The following CARD8 variants were observed in gnomAD, a reference collection of about 807,000 sequenced individuals.
CARD8 encodes the protein caspase recruitment domain family member 8.
Under a neutral mutation model 53.2 loss-of-function variants are expected in CARD8, and 38 were observed. The observed-to-expected ratio is 0.71, with a 90% CI of 0.55 to 0.94. The LOEUF (loss-of-function observed/expected upper bound fraction) is 0.94. CARD8 is among the 40% of genes least tolerant of loss of function. The pLI, the probability that CARD8 is intolerant of heterozygous loss-of-function variation, is 0.00. For missense variants in CARD8, 561 were observed against 655.5 expected, an observed-to-expected ratio of 0.86 and a Z score of 1.57; for synonymous variants, 245 against 244.9, an observed-to-expected ratio of 1.00 and a Z score of 0.00.
intron 8 of CARD8, among the ~76,000 whole-genome samples, chr19:48,231,260 T>C (rs2146225333): frequency 6.6e-6 from 1 of 152,156 alleles, no homozygotes; most frequent in East Asian, 1.9e-4. Flanking sequence ...ATTTTAGCTA[T>C]CATAAGGGAT....
intron 13 of CARD8, chr19:48,215,042 G>A (rs552906050): frequency 6.1e-5 from 13 of 212,996 alleles, no homozygotes; most frequent in South Asian, 4.3e-4. Flanking sequence ...CACCTGCCTC[G>A]GCCTCCCAGA....
At chr19:48,246,292 T>C (rs1051783622) in intron 3 of CARD8, among the ~76,000 whole-genome samples, 1 of 152,246 alleles carries the variant, frequency 6.6e-6, no homozygotes, top group Non-Finnish European at 1.5e-5. Context: ...TATTTCTTCA[T>C]GTTCTGGAGT....
chr19:48,243,476 T>A (rs1358460304), intron 3 of CARD8, among the ~76,000 whole-genome samples: 1 of 152,240 alleles, frequency 6.6e-6, no homozygotes, highest in African/African-American at 2.4e-5. Flanking sequence ...ATAAAAATAT[T>A]AAAATCTGCA....
chr19:48,221,687 A>G (rs752681583), intron 11 of CARD8, 43 bp downstream of exon 11: 7 of 1,428,368 alleles, frequency 4.9e-6, no homozygotes, highest in Middle Eastern at 3.7e-4. Context: ...CAGAAATATA[A>G]AACACTCTGA....
chr19:48,243,292 C>G (rs1184573645), intron 3 of CARD8, among the ~76,000 whole-genome samples: 1 of 152,134 alleles, frequency 6.6e-6, no homozygotes. Flanking sequence ...GGATTACAGA[C>G]GTGAGCCATT....
At chr19:48,251,104 T>A (rs2046881663) in intron 1 of CARD8, among the ~76,000 whole-genome samples, 1 of 152,240 alleles carries the variant, frequency 6.6e-6, no homozygotes, top group African/African-American at 2.4e-5. Context: ...CAGAGGAATT[T>A]ATTCAGGTAT....
Position 48,211,877 on chromosome 19 carries a change from CAGTAAG to C in CARD8, c.1441_1446del (p.Leu481_Thr482del). Reference sequence around the variant, plus strand: ...TGCTCCACCAGCTCCTTCTCATTCTCAGTAAGAACCTCATTGTCTTGGAGATCATCG... The same window carrying C: ...TGCTCCACCAGCTCCTTCTCATTCTCAACCTCATTGTCTTGGAGATCATCG... On this transcript the variant is annotated inframe_deletion, in exon 14 of 14. Coordinates refer to ENST00000651546, the MANE Select transcript of CARD8 (RefSeq NM_001184900.3). 1 of 1,614,110 alleles carries C rather than the reference CAGTAAG, an allele frequency of 6.2e-7. No individual in the cohort carries two copies. Among genetic ancestry groups the C allele is most frequent in the Non-Finnish European group, 8.5e-7 (1 of 1,180,004 alleles).
At chr19:48,222,017 T>C (rs1184979670) in intron 10 of CARD8, among the ~76,000 whole-genome samples, 162 bp from the exon 11 acceptor site, 1 of 152,222 alleles carries the variant, frequency 6.6e-6, no homozygotes, top group Non-Finnish European at 1.5e-5. Flanking sequence ...GATAGGTAGA[T>C]ACACAGATAT....
At chr19:48,246,022 G>C (rs1402350854) in intron 3 of CARD8, among the ~76,000 whole-genome samples, 1 of 152,056 alleles carries the variant, frequency 6.6e-6, no homozygotes, top group Non-Finnish European at 1.5e-5. Flanking sequence ...ACATTTGTCT[G>C]AATGTCCTCT....
intron 11 of CARD8, among the ~76,000 whole-genome samples, chr19:48,221,075 T>C (rs1464117485): frequency 1.3e-5 from 2 of 151,768 alleles, no homozygotes; most frequent in Non-Finnish European, 2.9e-5. Flanking sequence ...GGAAATCTAT[T>C]TGGAAATATA....
Position 48,234,473 on chromosome 19 carries a change from C to T in CARD8, c.280G>A (p.Glu94Lys). The T allele has an allele frequency of 6.2e-7, 1 of 1,613,936 alleles. No individual in the cohort carries two copies. Among genetic ancestry groups the T allele is most frequent in the Non-Finnish European group, 8.5e-7 (1 of 1,179,874 alleles). Residue 94 changes from glutamate to lysine, a missense_variant, in exon 6 of 14, where the codon GAG becomes AAG. Transcript: ENST00000651546. ...DISHFFQEDDETEAEPLLFRA... is the reference protein window; with the variant it reads ...DISHFFQEDDKTEAEPLLFRA... Reference sequence around the variant, plus strand: ...AACAATAATGGCTCTGCCTCTGTCTCATCATCTTCTTGGAAAAAATGTGAG... The same window carrying T: ...AACAATAATGGCTCTGCCTCTGTCTTATCATCTTCTTGGAAAAAATGTGAG...
At chr19:48,227,334 T>G (rs1600316466) in intron 10 of CARD8, among the ~76,000 whole-genome samples, 1 of 152,058 alleles carries the variant, frequency 6.6e-6, no homozygotes, top group Non-Finnish European at 1.5e-5. Flanking sequence ...ACTGGAGATA[T>G]AGACTGAGAA....
chr19:48,232,563 G>A (rs2043111669), intron 6 of CARD8, 70 bp from the exon 7 acceptor site: 9 of 1,342,568 alleles, frequency 6.7e-6, no homozygotes, highest in African/African-American at 5.8e-5. Flanking sequence ...AGATGAAGAC[G>A]ATGTTATTGA....
chr19:48,233,430 G>C (rs894426886), intron 6 of CARD8: 3 of 455,984 alleles, frequency 6.6e-6, no homozygotes, highest in South Asian at 4.6e-5. Context: ...GAAGAGAAAG[G>C]CTTTACAGCG....
chr19:48,238,123 T>G (rs1272369213), intron 5 of CARD8: 2 of 394,736 alleles, frequency 5.1e-6, no homozygotes, highest in Non-Finnish European at 8.7e-6. Flanking sequence ...ACTTTTGACC[T>G]CAGGCGATCC....
intron 1 of CARD8, among the ~76,000 whole-genome samples, chr19:48,254,888 C>G (rs2047402078): frequency 6.6e-6 from 1 of 152,208 alleles, no homozygotes; most frequent in Admixed American, 6.5e-5. Context: ...GCAAGGAATG[C>G]TGCCCAGCAA....
At chr19:48,246,347 T>G (rs1381232542) in intron 3 of CARD8, among the ~76,000 whole-genome samples, 1 of 152,196 alleles carries the variant, frequency 6.6e-6, no homozygotes, top group Non-Finnish European at 1.5e-5. Flanking sequence ...GCCCCAGCCC[T>G]GGAAGTAACC....
intron 3 of CARD8, among the ~76,000 whole-genome samples, chr19:48,247,812 T>C (rs2146987303): frequency 6.6e-6 from 1 of 151,226 alleles, no homozygotes; most frequent in African/African-American, 2.4e-5. Context: ...TGTTTTGATG[T>C]CACACAAGCA....
intron 10 of CARD8, 120 bp downstream of exon 10, chr19:48,230,318 G>T: frequency 1.8e-6 from 2 of 1,134,974 alleles, no homozygotes; most frequent in Non-Finnish European, 2.5e-6. Flanking sequence ...GGTGACTCCT[G>T]CTTCTGTCCA....
Sources: allele counts gnomAD v4.1 joint callset (sites outside exome capture counted in the v4.1 genomes callset), GRCh38; gene constraint gnomAD v4.1.1; transcripts MANE v1.5; gene names NCBI Gene and HGNC (gene_info 2026-07-23, HGNC 2026-07-21).